The following DDX31 variants were observed in gnomAD, a reference collection of about 807,000 sequenced individuals.
DDX31 encodes the protein DEAD-box helicase 31.
In DDX31, 70 loss-of-function variants were observed where a neutral mutation model predicts 91.3. That is an observed-to-expected ratio of 0.77 (90% CI 0.63 to 0.94). The LOEUF (loss-of-function observed/expected upper bound fraction) is 0.94. Among genes scored for constraint, DDX31 ranks in the 40% least tolerant of loss-of-function variants. DDX31 has a pLI of 0.00. For missense variants in DDX31, 902 were observed against 925.0 expected (o/e 0.98, Z 0.32); for synonymous variants, 362 against 350.6 (o/e 1.03, Z -0.36).
chr9:132,669,637 C>G, intron 1 of DDX31: 2 of 1,530,530 alleles, frequency 1.3e-6, no homozygotes, highest in South Asian at 2.4e-5. Flanking sequence ...CTCCCCGCCC[C>G]TCCACACCGC....
intron 16 of DDX31, among the ~76,000 whole-genome samples, chr9:132,627,820 G>A (rs1454410973): frequency 2.0e-5 from 3 of 152,224 alleles, no homozygotes; most frequent in Non-Finnish European, 2.9e-5. Flanking sequence ...GCTGCCGAGA[G>A]CCTCGGCCTG....
intron 13 of DDX31, among the ~76,000 whole-genome samples, chr9:132,642,760 A>G (rs994966728): frequency 3.9e-5 from 6 of 152,124 alleles, no homozygotes; most frequent in Non-Finnish European, 4.4e-5. Context: ...CTGTGGTGAA[A>G]TAGTATTCAA....
chr9:132,601,551 G>A (rs535050172), intron 19 of DDX31, among the ~76,000 whole-genome samples: 54 of 152,284 alleles, frequency 3.5e-4, no homozygotes, highest in African/African-American at 9.6e-4. Context: ...CAGTGGAGCC[G>A]CCATCCCTGC....
rs927011334 is a variant in DDX31, at chr9:132,668,485, C to A, written c.75+1375G>T. ...TCAAAAATATCTGAAGAGACTTATT[C>A]TGAGCCAAGTATGAGTGACCATGGC... On this transcript the variant is annotated intron_variant, in intron 1 of 19. Coordinates refer to ENST00000372159, the MANE Select transcript of DDX31 (RefSeq NM_022779.9). Among the ~76,000 whole-genome samples the A allele has an allele frequency of 3.3e-5, 5 of 152,130 alleles. No individual in the cohort carries two copies. The East Asian group carries it at 9.7e-4, about 29-fold the overall frequency.
At chr9:132,626,203 G>A (rs1832381272) in intron 16 of DDX31, among the ~76,000 whole-genome samples, 1 of 151,720 alleles carries the variant, frequency 6.6e-6, no homozygotes, top group South Asian at 2.1e-4. Context: ...AAACACCCCT[G>A]TGAGGGTAAC....
Position 132,648,183 on chromosome 9 carries a change from A to G in DDX31, c.967+6T>C, listed in dbSNP as rs768966721. The G allele has an allele frequency of 6.8e-6, 11 of 1,607,800 alleles. No homozygotes were observed. Among genetic ancestry groups the G allele is most frequent in the Non-Finnish European group, 9.3e-6 (11 of 1,177,580 alleles). ...AAGAAGGACCCATCACTTCTTTTCA[A>G]CTCACCTTCTGTGAGTGTCGCTGAT... is the stretch of plus-strand genomic sequence containing the variant. On this transcript the variant is annotated splice_donor_region_variant and intron_variant, in intron 11 of 19. Coordinates refer to ENST00000372159, the MANE Select transcript of DDX31 (RefSeq NM_022779.9).
At chr9:132,614,482 C>A (rs912449778) in intron 18 of DDX31, among the ~76,000 whole-genome samples, 2 of 152,024 alleles carry the variant, frequency 1.3e-5, no homozygotes, top group African/African-American at 2.4e-5. Context: ...TTTCCCCAAC[C>A]CCCAACACTC....
chr9:132,609,352 C>T (rs545975415), intron 19 of DDX31, among the ~76,000 whole-genome samples: 45 of 152,312 alleles, frequency 3.0e-4, no homozygotes, highest in African/African-American at 9.9e-4. Flanking sequence ...GGTCTTGGTG[C>T]CCATCTGCTA....
chr9:132,664,030 C>A (rs1425760188), intron 1 of DDX31, among the ~76,000 whole-genome samples: 1 of 152,096 alleles, frequency 6.6e-6, no homozygotes, highest in Admixed American at 6.5e-5. Context: ...CCTGACAGTC[C>A]CGGGCAGGTG....
At chr9:132,658,589 GTCC>G in intron 6 of DDX31, 79 bp downstream of exon 6, 7 of 1,276,714 alleles carry the variant, frequency 5.5e-6, no homozygotes, top group Non-Finnish European at 7.9e-6. Flanking sequence ...GATTCTTTTA[GTCC>G]TAATATTTCT....
In DDX31 at chr9:132,654,895, G is replaced by A. The variant is rs145581286; in HGVS notation, c.589-2403C>T. On this transcript the variant is annotated intron_variant, in intron 6 of 19. Transcript: ENST00000372159. ...CGGGAGGTGGAGGTTTCAGTGAGCCGAGATTACGCCACTCCACTCCAACCA... is the reference window on the plus strand; with the variant it reads ...CGGGAGGTGGAGGTTTCAGTGAGCCAAGATTACGCCACTCCACTCCAACCA... 1.9e-3 allele frequency among the ~76,000 whole-genome samples: 277 copies of A among 142,958 alleles called. 2 individuals are homozygous for A. Among genetic ancestry groups the A allele is most frequent in the African/African-American group, 6.9e-3 (265 of 38,408 alleles). The allele number at this position is 142,958 out of a possible 152,430, so 93.8% of individuals were successfully genotyped here.
Position 132,648,273 on chromosome 9 carries a change from T to C in DDX31, c.883A>G (p.Lys295Glu). The change falls in exon 11 of 20, where the codon AAG becomes GAG. Residue 295 changes from lysine to glutamate, a missense_variant. Transcript: ENST00000372159. Reference sequence around the variant, plus strand: ...GCATTAAGTATCACTGTGATGTCCTTTTCAAAACCCAAATCCAAGATTCTG... The same window carrying C: ...GCATTAAGTATCACTGTGATGTCCTCTTCAAAACCCAAATCCAAGATTCTG... The part of the protein sequence containing the change: ...ADRILDLGFE[K>E]DITVILNAVN... 6.2e-7 allele frequency: 1 copy of C among 1,611,824 alleles called. No individual in the cohort carries two copies. The highest frequency in any genetic ancestry group is 1.1e-5 in the South Asian group (1 of 90,176).
At chr9:132,618,968 A>G (rs1831818966) in intron 17 of DDX31, among the ~76,000 whole-genome samples, 1 of 152,162 alleles carries the variant, frequency 6.6e-6, no homozygotes, top group African/African-American at 2.4e-5. Context: ...TCAGACTTCT[A>G]GTGTTTCAAA....
At chr9:132,610,797 T>C (rs1028732482) in intron 19 of DDX31, among the ~76,000 whole-genome samples, 2 of 152,112 alleles carry the variant, frequency 1.3e-5, no homozygotes, top group African/African-American at 2.4e-5. Flanking sequence ...ACTAAAAATA[T>C]GGATTTTCCT....
At chr9:132,660,044 TG>T (rs1359486424) in intron 4 of DDX31, among the ~76,000 whole-genome samples, 2 of 152,104 alleles carry the variant, frequency 1.3e-5, no homozygotes, top group African/African-American at 4.8e-5. Flanking sequence ...CTTTTAAAAA[TG>T]GGACAGGCAG....
rs149639366 is a variant in DDX31, at chr9:132,657,078, A to C, written c.588+1593T>G. ...CTATTACTTATGAAACTGGGGTCAC[A>C]CTATACACATCATTTTGTAACCTGC... On this transcript the variant is annotated intron_variant, in intron 6 of 19. Coordinates refer to ENST00000372159, the MANE Select transcript of DDX31 (RefSeq NM_022779.9). Among the ~76,000 whole-genome samples the C allele has an allele frequency of 3.5e-3, 540 of 152,352 alleles. 2 individuals carry two copies. Among genetic ancestry groups the C allele is most frequent in the African/African-American group, 0.012 (486 of 41,578 alleles).
intron 3 of DDX31, among the ~76,000 whole-genome samples, chr9:132,661,817 AC>A (rs1424410215): frequency 6.6e-6 from 1 of 151,978 alleles, no homozygotes; most frequent in Non-Finnish European, 1.5e-5. Context: ...TTCTTCCCTT[AC>A]TTCTCTAAAA....
In DDX31 at chr9:132,594,285, G is replaced by C. The variant is rs1292832890; in HGVS notation, c.*581C>G. 1 of 152,312 alleles carries C rather than the reference G, an allele frequency of 6.6e-6. No individual in the cohort carries two copies. Among genetic ancestry groups the C allele is most frequent in the Non-Finnish European group, 1.5e-5 (1 of 68,144 alleles). The allele number at this position is 152,312 out of a possible 1,614,324, so 9.4% of individuals were successfully genotyped here. ...TCCAGAAGAAAATAAGAGGGACCAC[G>C]AGCCTGAGAACACATTCGTATTTTT... On this transcript the variant is annotated 3_prime_UTR_variant, in exon 20 of 20. Transcript: ENST00000372159.
chr9:132,593,767 G>GT lies in DDX31; in HGVS notation c.*1098_*1099insA, dbSNP rs1830307557. On this transcript the variant is annotated 3_prime_UTR_variant, in exon 20 of 20. Transcript: ENST00000372159. ...ACTCAGACCTTCCAAGGATCTGGGG[G>GT]GATCTACTGAAGTGGTGCCTCAACA... 6.6e-6 allele frequency: 1 copy of GT among 151,880 alleles called. No homozygotes were observed. Among genetic ancestry groups the GT allele is most frequent in the Admixed American group, 6.6e-5 (1 of 15,250 alleles). 9.4% of individuals were successfully genotyped at this position (151,880 alleles called of 1,614,324 possible).
Sources: gnomAD v4.1 joint callset for allele counts (sites outside exome capture counted in the v4.1 genomes callset) on GRCh38, gnomAD v4.1.1 for gene constraint, MANE v1.5 for transcripts, NCBI Gene and HGNC (gene_info 2026-07-23, HGNC 2026-07-21) for gene names.